Variants in FER1L5 observed in about 807,000 individuals in gnomAD.
The protein encoded by FER1L5 is fer-1 like family member 5, also known as fer-1-like protein 5.
Under a neutral mutation model 279.9 loss-of-function variants are expected in FER1L5, and 187 were observed. That is an observed-to-expected ratio of 0.67 (90% CI 0.59 to 0.75). FER1L5 has a LOEUF of 0.75. Among genes scored for constraint, FER1L5 ranks in the 30% least tolerant of loss-of-function variants. The pLI, the probability that FER1L5 is intolerant of heterozygous loss-of-function variation, is 0.00. For synonymous variants in FER1L5, 921 were observed against 989.7 expected, an observed-to-expected ratio of 0.93 and a Z score of 1.30; for missense variants, 2,091 against 2,594.4, an observed-to-expected ratio of 0.81 and a Z score of 4.21.
intron 31 of FER1L5, among the ~76,000 whole-genome samples, 200 bp downstream of exon 31, chr2:96,692,381 A>G (rs1207763117): frequency 6.6e-6 from 1 of 152,178 alleles, no homozygotes; most frequent in Non-Finnish European, 1.5e-5. Context: ...GGCATGGATG[A>G]GGGTGACAAA....
intron 1 of FER1L5, 98 bp downstream of exon 1, chr2:96,643,019 A>G: frequency 9.8e-7 from 1 of 1,021,730 alleles, no homozygotes; most frequent in Non-Finnish European, 1.4e-6. Flanking sequence ...TACATAAAAG[A>G]TGCCCTGTGT....
intron 6 of FER1L5, among the ~76,000 whole-genome samples, chr2:96,650,920 C>T (rs2075334449): frequency 6.6e-6 from 1 of 152,244 alleles, no homozygotes; most frequent in African/African-American, 2.4e-5. Context: ...CACTTCTGTT[C>T]CCTGGCCTGA....
At chr2:96,697,428 G>A in intron 37 of FER1L5, 98 bp from the exon 38 acceptor site, 1 of 1,348,158 alleles carries the variant, frequency 7.4e-7, no homozygotes, top group Non-Finnish European at 1.0e-6. Flanking sequence ...AAGGGCAAGG[G>A]CACCAGGGAA....
intron 3 of FER1L5, among the ~76,000 whole-genome samples, 200 bp from the exon 4 acceptor site, chr2:96,647,578 G>A (rs568608459): frequency 2.0e-5 from 3 of 152,106 alleles, no homozygotes; most frequent in African/African-American, 7.2e-5. Flanking sequence ...TACTTGCCTC[G>A]GAGCCCCAAG....
rs369174917 is a variant in FER1L5, at chr2:96,700,089, C to T, written c.4930+9C>T. On this transcript the variant is annotated intron_variant, in intron 44 of 52. Transcript: ENST00000624922. ...CAAGCTGCAAAGCTTTGGTGAGCAG[C>T]GCAGAACACTAGCAGAAAGCACAGA... 229 of 1,613,386 alleles carry T rather than the reference C, an allele frequency of 1.4e-4. No homozygotes were observed. Among genetic ancestry groups the T allele is most frequent in the Non-Finnish European group, 1.8e-4 (210 of 1,179,786 alleles).
rs2106634608 is a variant in FER1L5, at chr2:96,687,803, G to A, written c.2230-13G>A. On this transcript the variant is annotated splice_polypyrimidine_tract_variant and intron_variant, in intron 23 of 52. Coordinates refer to ENST00000624922, the MANE Select transcript of FER1L5 (RefSeq NM_001293083.2). ...TTTAGTGCCCCTGTGGGACCGATCG[G>A]CCTCTGGCTCAGTACCCAGAGGGTG... 1 of 1,547,134 alleles carries A rather than the reference G, an allele frequency of 6.5e-7. No individual in the cohort carries two copies. Among genetic ancestry groups the A allele is most frequent in the South Asian group, 1.2e-5 (1 of 83,516 alleles).
At chr2:96,650,093 C>A in intron 5 of FER1L5, 87 bp from the exon 6 acceptor site, 1 of 1,045,914 alleles carries the variant, frequency 9.6e-7, no homozygotes, top group Non-Finnish European at 1.4e-6. Context: ...GAGATGGTCA[C>A]TGGGGACAGA....
intron 14 of FER1L5, among the ~76,000 whole-genome samples, chr2:96,664,452 T>G (rs2076060838): frequency 6.6e-6 from 1 of 152,248 alleles, no homozygotes. Flanking sequence ...GTAAGTACCC[T>G]TATTTGTCTG....
In FER1L5 at chr2:96,691,648, AC is replaced by A. The variant is rs1340133391; in HGVS notation, c.3075+40del. 4 of 1,507,254 alleles carry A rather than the reference AC, an allele frequency of 2.7e-6. No homozygotes were observed. The highest frequency in any genetic ancestry group is 1.4e-5 in the African/African-American group (1 of 71,650). The allele number at this position is 1,507,254 out of a possible 1,614,324, so 93.4% of individuals were successfully genotyped here. On this transcript the variant is annotated intron_variant, in intron 29 of 52. Coordinates refer to ENST00000624922, the MANE Select transcript of FER1L5 (RefSeq NM_001293083.2). The surrounding 1 kb of genome is among the most constrained non-coding windows in gnomAD (Gnocchi z 6.0). The stretch of plus-strand genomic sequence containing the variant: ...ACAGGCTGGGTGATGCCTGCCTGTA[AC>A]CCCACCTCCCAGAGAAGCCAGGGCC...
intron 37 of FER1L5, among the ~76,000 whole-genome samples, chr2:96,696,404 T>C (rs1475811558): frequency 6.6e-6 from 1 of 152,098 alleles, no homozygotes; most frequent in Non-Finnish European, 1.5e-5. Context: ...GAGGTTCTCC[T>C]GCCTCAGCCT....
In FER1L5 at chr2:96,691,598, C is replaced by T; in HGVS notation, c.3061C>T (p.Leu1021=). ...CAAGGGCATCGCGCCCATATTCCTC[C>T]TGGAGGGGTCCTTGGTAAAGCCTCA... ...KDKGIAPIFL[L]EGSLAMDLKY... Residue 1021 remains leucine, a synonymous_variant, in exon 29 of 53, where the codon CTG becomes TTG. Coordinates refer to ENST00000624922, the MANE Select transcript of FER1L5 (RefSeq NM_001293083.2). The surrounding 1 kb of genome is among the most constrained non-coding windows in gnomAD (Gnocchi z 6.0). 1.3e-6 allele frequency: 2 copies of T among 1,530,176 alleles called. No homozygotes were observed. Among genetic ancestry groups the T allele is most frequent in the South Asian group, 1.2e-5 (1 of 80,924 alleles). The allele number at this position is 1,530,176 out of a possible 1,614,324, so 94.8% of individuals were successfully genotyped here.
intron 6 of FER1L5, among the ~76,000 whole-genome samples, chr2:96,651,245 TTC>T (rs2075354534): frequency 1.6e-5 from 1 of 62,264 alleles, no homozygotes; most frequent in African/African-American, 5.7e-5. Context: ...TTCTCTTTCT[TTC>T]TTTCTTTCTT....
intron 6 of FER1L5, 135 bp from the exon 7 acceptor site, chr2:96,651,757 T>A (rs2075390646): frequency 1.6e-6 from 2 of 1,275,450 alleles, no homozygotes; most frequent in Non-Finnish European, 2.2e-6. Flanking sequence ...TTCTCCCACC[T>A]CGGCCTCCCA....
rs1253407087 is a variant in FER1L5, at chr2:96,642,808, G to A, written c.-29G>A. ...AAAAGGAAGCTGTGGCGCTGCGTAG[G>A]GAAGGAGGGAAGAAAGTAGGTCTCC... On this transcript the variant is annotated 5_prime_UTR_variant, in exon 1 of 53. Transcript: ENST00000624922. 1.3e-6 allele frequency: 2 copies of A among 1,548,790 alleles called. No individual in the cohort carries two copies. Among genetic ancestry groups the A allele is most frequent in the Non-Finnish European group, 1.7e-6 (2 of 1,145,618 alleles).
chr2:96,703,560 A>G lies in FER1L5; in HGVS notation c.5729A>G (p.Lys1910Arg). The change falls in exon 51 of 53, where the codon AAG becomes AGG. Residue 1910 changes from lysine (K) to arginine (R), a missense_variant. Physicochemically the swap from Lys to Arg is conservative, Grantham distance 26 (BLOSUM62 2). Transcript: ENST00000624922. ...VKMSLEILSEKEALIKPAGRG... is the reference protein window; with the variant it reads ...VKMSLEILSEREALIKPAGRG... ...ATGAGCCTGGAGATTCTGTCAGAGA[A>G]GGAAGCCTTAATCAAGCCAGCCGGG... 6.2e-7 allele frequency: 1 copy of G among 1,613,972 alleles called. No individual in the cohort carries two copies. The highest frequency in any genetic ancestry group is 8.5e-7 in the Non-Finnish European group (1 of 1,179,882).
intron 1 of FER1L5, among the ~76,000 whole-genome samples, 168 bp from the exon 2 acceptor site, chr2:96,646,233 C>G (rs968093730): frequency 2.0e-5 from 3 of 152,112 alleles, no homozygotes; most frequent in African/African-American, 7.2e-5. Context: ...CTCCTGACCT[C>G]GTGATCTGCC....
At chr2:96,684,119 A>T (rs150347516) in intron 19 of FER1L5, among the ~76,000 whole-genome samples, 1 of 152,322 alleles carries the variant, frequency 6.6e-6, no homozygotes, top group East Asian at 1.9e-4. Context: ...AGGCCATGTG[A>T]CAATGAAGGG....
intron 19 of FER1L5, among the ~76,000 whole-genome samples, chr2:96,681,433 A>C (rs1462650215): frequency 6.6e-6 from 1 of 152,246 alleles, no homozygotes; most frequent in African/African-American, 2.4e-5. Context: ...AACTGGAAGA[A>C]GCAAGCCAAT....
chr2:96,669,490 G>A (rs766268381), intron 17 of FER1L5, among the ~76,000 whole-genome samples: 9 of 152,128 alleles, frequency 5.9e-5, no homozygotes, highest in South Asian at 2.1e-4. Context: ...AACCCGACTC[G>A]AACAGGCTTA....
Sources: gnomAD v4.1 joint callset for allele counts (sites outside exome capture counted in the v4.1 genomes callset) on GRCh38, gnomAD v4.1.1 for gene constraint, Gnocchi (gnomAD v3.1) non-coding constraint, MANE v1.5 for transcripts, NCBI Gene and HGNC (gene_info 2026-07-23, HGNC 2026-07-21) for gene names.